The following MPRIP variants were observed in gnomAD, a reference collection of about 807,000 sequenced individuals.
MPRIP encodes myosin phosphatase Rho-interacting protein.
Under a neutral mutation model 234.9 loss-of-function variants are expected in MPRIP, and 59 were observed. The observed-to-expected ratio is 0.25, with a 90% CI of 0.20 to 0.31. The LOEUF (loss-of-function observed/expected upper bound fraction) is 0.31, where lower values mean the gene tolerates loss of function less well. Among genes scored for constraint, MPRIP ranks in the 10% least tolerant of loss-of-function variants. The pLI is 1.00. For synonymous variants in MPRIP, 1,144 were observed against 1,263.9 expected, an observed-to-expected ratio of 0.91 and a Z score of 2.01; for missense variants, 2,436 against 3,071.0, an observed-to-expected ratio of 0.79 and a Z score of 4.89.
chr17:17,096,606 A>G (rs938833623), intron 3 of MPRIP, among the ~76,000 whole-genome samples: 4 of 151,940 alleles, frequency 2.6e-5, no homozygotes, highest in Non-Finnish European at 5.9e-5. Flanking sequence ...GGGCCCAATC[A>G]CCTACCTGGG....
intron 21 of MPRIP, 120 bp from the exon 22 acceptor site, chr17:17,177,130 C>T: frequency 2.0e-6 from 2 of 999,122 alleles, no homozygotes; most frequent in Non-Finnish European, 3.1e-6. Context: ...GGTGAACAAG[C>T]CTCCTCTTCC....
intron 3 of MPRIP, among the ~76,000 whole-genome samples, chr17:17,093,356 A>G (rs79457460): frequency 0.033 from 5,071 of 152,310 alleles, 146 homozygotes; most frequent in East Asian, 0.12. Flanking sequence ...TTTTATGTAT[A>G]AACACACCTA....
In MPRIP at chr17:17,099,126, T is replaced by C. The variant is rs189563112; in HGVS notation, c.267+21050T>C. ...CTACTCAGAAACCCAAAAATAGCCA[T>C]GTCAAAGGCACATACATTGCAAATA... On this transcript the variant is annotated intron_variant, in intron 3 of 23. Coordinates refer to ENST00000651222, the MANE Select transcript of MPRIP (RefSeq NM_001364716.4). Among the ~76,000 whole-genome samples, 37 of 152,242 alleles carry C rather than the reference T, an allele frequency of 2.4e-4. No individual in the cohort carries two copies. In the East Asian group the frequency reaches 4.3e-3, roughly 17 times the overall value.
At chr17:17,076,594 A>C (rs1181370219) in intron 2 of MPRIP, among the ~76,000 whole-genome samples, 4 of 152,146 alleles carry the variant, frequency 2.6e-5, no homozygotes, top group Admixed American at 2.0e-4. Context: ...GCTGCACATA[A>C]GGCCCTTGGA....
Position 17,146,027 on chromosome 17 carries a change from C to T in MPRIP, c.1504-9C>T. The T allele has an allele frequency of 3.1e-6, 5 of 1,613,668 alleles. No homozygotes were observed. Among genetic ancestry groups the T allele is most frequent in the Non-Finnish European group, 3.4e-6 (4 of 1,179,786 alleles). ...TCCTCTGAGCTGTTCTTTTTTCTCCCTTTCTCAGCCCGACCTGCTGAATTT... is the reference window on the plus strand; with the variant it reads ...TCCTCTGAGCTGTTCTTTTTTCTCCTTTTCTCAGCCCGACCTGCTGAATTT... On this transcript the variant is annotated splice_polypyrimidine_tract_variant and intron_variant, in intron 9 of 23. Transcript: ENST00000651222.
At chr17:17,080,859 G>T (rs1259266309) in intron 3 of MPRIP, among the ~76,000 whole-genome samples, 1 of 152,248 alleles carries the variant, frequency 6.6e-6, no homozygotes, top group Admixed American at 6.5e-5. Flanking sequence ...ATGGTGCAGT[G>T]CCAGTCGTAG....
At chr17:17,055,049 C>CAA (rs74955320) in intron 1 of MPRIP, among the ~76,000 whole-genome samples, 1 of 125,776 alleles carries the variant, frequency 8.0e-6, no homozygotes, top group African/African-American at 2.9e-5. Flanking sequence ...GACCCTGTAT[C>CAA]AAAAAAAAAA....
chr17:17,049,898 A>G (rs572865883), intron 1 of MPRIP, among the ~76,000 whole-genome samples: 1 of 152,358 alleles, frequency 6.6e-6, no homozygotes, highest in African/African-American at 2.4e-5. Flanking sequence ...TTAAAAAAGT[A>G]AAAAGAGGGG....
intron 3 of MPRIP, among the ~76,000 whole-genome samples, chr17:17,093,291 G>C (rs1228904053): frequency 6.6e-6 from 1 of 152,228 alleles, no homozygotes; most frequent in African/African-American, 2.4e-5. Flanking sequence ...TGGATGCCCT[G>C]TCTGAGGAGT....
At chr17:17,114,776 C>T (rs1011801114) in intron 3 of MPRIP, among the ~76,000 whole-genome samples, 43 of 152,150 alleles carry the variant, frequency 2.8e-4, no homozygotes, top group Non-Finnish European at 5.1e-4. Flanking sequence ...AAGGGAAGCT[C>T]CTCTGGCAGA....
At chr17:17,149,132 A>T (rs936580534) in intron 11 of MPRIP, among the ~76,000 whole-genome samples, 1 of 152,224 alleles carries the variant, frequency 6.6e-6, no homozygotes, top group Non-Finnish European at 1.5e-5. Flanking sequence ...ACCACATTGC[A>T]GTTAACCTTT....
chr17:17,140,099 G>C (rs1234077260), intron 7 of MPRIP, among the ~76,000 whole-genome samples: 2 of 152,196 alleles, frequency 1.3e-5, no homozygotes, highest in Non-Finnish European at 2.9e-5. Flanking sequence ...ATAAGTAAAG[G>C]GTTTTGCTAG....
chr17:17,178,901 A>G (rs2046313699), intron 22 of MPRIP, among the ~76,000 whole-genome samples: 1 of 151,828 alleles, frequency 6.6e-6, no homozygotes, highest in Non-Finnish European at 1.5e-5. Context: ...CCTGGGTGAC[A>G]GAATGAGACC....
At position 17,165,485 on chromosome 17, in the gene MPRIP, T is replaced by G. The variant is rs778726069; in HGVS notation, c.3894T>G (p.Leu1298=). The G allele has an allele frequency of 2.3e-6, 3 of 1,304,210 alleles. No homozygotes were observed. The South Asian group carries it at 3.7e-5, about 16-fold the overall frequency. The allele number at this position is 1,304,210 out of a possible 1,614,324, so 80.8% of individuals were successfully genotyped here. The change falls in exon 16 of 24, where the codon CTT becomes CTG. Residue 1298 remains leucine (L), a synonymous_variant. Coordinates refer to ENST00000651222, the MANE Select transcript of MPRIP (RefSeq NM_001364716.4). ...SMVPPKSVEV[L]DREGHQQGTA... is the part of the protein sequence containing the mutation. ...TGCCCCCAAAGTCAGTGGAAGTGCT[T>G]GACAGGGAGGGCCATCAGCAGGGCA...
At chr17:17,050,314 CAAAAAA>C (rs66950979) in intron 1 of MPRIP, among the ~76,000 whole-genome samples, 2 of 92,270 alleles carry the variant, frequency 2.2e-5, no homozygotes, top group Non-Finnish European at 2.2e-5. Context: ...GACTCCGTCT[CAAAAAA>C]AAAAAAAAAA....
In MPRIP at chr17:17,185,785, C is replaced by CA. The variant is rs2046464768; in HGVS notation, c.*892dup. On this transcript the variant is annotated 3_prime_UTR_variant, in exon 24 of 24. Coordinates refer to ENST00000651222, the MANE Select transcript of MPRIP (RefSeq NM_001364716.4). Reference sequence around the variant, plus strand: ...TTACCTTTTGGAAAAGAAACCGTCACATTGCTTTGGAAAAGGTTGAGAGGA... The same window carrying CA: ...TTACCTTTTGGAAAAGAAACCGTCACAATTGCTTTGGAAAAGGTTGAGAGGA... 2.9e-6 allele frequency: 1 copy of CA among 343,340 alleles called. No individual in the cohort carries two copies. Among genetic ancestry groups the CA allele is most frequent in the Admixed American group, 4.2e-5 (1 of 24,076 alleles). 21.3% of individuals were successfully genotyped at this position (343,340 alleles called of 1,614,324 possible). A position where few individuals can be genotyped will look rare whatever the true frequency, so the allele number is the denominator to read the frequency against.
chr17:17,137,067 G>A (rs898602234), intron 6 of MPRIP, among the ~76,000 whole-genome samples: 14 of 152,116 alleles, frequency 9.2e-5, no homozygotes, highest in African/African-American at 3.4e-4. Flanking sequence ...GAGCAGCAGG[G>A]GCCAGCCCAG....
At chr17:17,182,183 A>G (rs1382141558) in intron 23 of MPRIP, 1 of 152,162 alleles carries the variant, frequency 6.6e-6, no homozygotes, top group Non-Finnish European at 1.5e-5. Context: ...CCAACCCTTC[A>G]AGAAGATGGA....
At chr17:17,118,547 T>A (rs1415082909) in intron 3 of MPRIP, among the ~76,000 whole-genome samples, 1 of 152,176 alleles carries the variant, frequency 6.6e-6, no homozygotes, top group African/African-American at 2.4e-5. Context: ...TTCAGGAGGC[T>A]ACAGTGTGGA....
Sources: gnomAD v4.1 joint callset for allele counts (sites outside exome capture counted in the v4.1 genomes callset) on GRCh38, gnomAD v4.1.1 for gene constraint, MANE v1.5 for transcripts, NCBI Gene and HGNC (gene_info 2026-07-23, HGNC 2026-07-21) for gene names.